The following NEDD4L variants were observed in gnomAD, a reference collection of about 807,000 sequenced individuals.
NEDD4L encodes E3 ubiquitin-protein ligase NEDD4-like.
In NEDD4L, 54 loss-of-function variants were observed where a neutral mutation model predicts 148.9. That is an observed-to-expected ratio of 0.36 (90% CI 0.29 to 0.45). NEDD4L has a LOEUF of 0.45. Ranked by LOEUF, NEDD4L falls within the 20% of genes least tolerant of loss-of-function variation. NEDD4L has a pLI of 1.00. For missense variants in NEDD4L, 856 were observed against 1,233.8 expected (o/e 0.69, Z 4.59); for synonymous variants, 433 against 440.7 (o/e 0.98, Z 0.22).
At chr18:58,064,181 G>A (rs934995793) in intron 1 of NEDD4L, among the ~76,000 whole-genome samples, 1 of 151,586 alleles carries the variant, frequency 6.6e-6, no homozygotes, top group Non-Finnish European at 1.5e-5. Context: ...AGCCAGGATG[G>A]TCTTGATCTC....
chr18:58,061,668 C>A (rs543020983), intron 1 of NEDD4L, among the ~76,000 whole-genome samples: 1 of 152,036 alleles, frequency 6.6e-6, no homozygotes, highest in Non-Finnish European at 1.5e-5. Flanking sequence ...GGAACATTTA[C>A]CATCTTTTGC....
Position 58,389,112 on chromosome 18 carries a change from G to A in NEDD4L, c.2575G>A (p.Asp859Asn). 6.2e-7 allele frequency: 1 copy of A among 1,613,994 alleles called. No individual in the cohort carries two copies. Among genetic ancestry groups the A allele is most frequent in the Non-Finnish European group, 8.5e-7 (1 of 1,179,870 alleles). The change falls in exon 28 of 31, where the codon GAT (aspartate) becomes AAT (asparagine). Residue 859 changes from aspartate (D) to asparagine (N), a missense_variant. This residue lies in a region of NEDD4L where 286 missense variants were observed against 531.8 expected (regional missense o/e 0.54). Transcript: ENST00000400345. ...ELLMCGLGDV[D>N]VNDWRQHSIY... ...GCTCATGTGCGGCCTCGGTGATGTG[G>A]ATGTGAATGACTGGAGACAGCATTC...
At chr18:58,355,079 C>T (rs2044419190) in intron 18 of NEDD4L, among the ~76,000 whole-genome samples, 3 of 152,104 alleles carry the variant, frequency 2.0e-5, no homozygotes, top group African/African-American at 7.2e-5. Flanking sequence ...TGGGGAGCTC[C>T]CAGGGGATTT....
chr18:58,170,086 C>G (rs80041016), intron 2 of NEDD4L, among the ~76,000 whole-genome samples: 4,423 of 152,232 alleles, frequency 0.029, 220 homozygotes, highest in African/African-American at 0.099. Flanking sequence ...ATGAAGTGAG[C>G]CCGTTCTTCC....
At chr18:58,312,651 C>G (rs2057831463) in intron 5 of NEDD4L, among the ~76,000 whole-genome samples, 1 of 151,946 alleles carries the variant, frequency 6.6e-6, no homozygotes, top group Non-Finnish European at 1.5e-5. Flanking sequence ...GTTAGATCTC[C>G]TCTGCAGGGT....
chr18:58,235,285 T>C (rs1568446314), intron 2 of NEDD4L, among the ~76,000 whole-genome samples: 1 of 152,188 alleles, frequency 6.6e-6, no homozygotes, highest in Non-Finnish European at 1.5e-5. Context: ...ACAGGTTTTA[T>C]TGTTGCTTAC....
chr18:58,391,355 C>T (rs754806255), intron 29 of NEDD4L, 132 bp from the exon 30 acceptor site: 2 of 708,650 alleles, frequency 2.8e-6, no homozygotes, highest in South Asian at 3.2e-5. Context: ...AATGTTGCAG[C>T]AGAAGAGAGT....
intron 19 of NEDD4L, among the ~76,000 whole-genome samples, chr18:58,361,455 T>TC (rs1386402794): frequency 2.0e-5 from 3 of 152,208 alleles, no homozygotes; most frequent in African/African-American, 7.2e-5. Context: ...CCAAGAACTT[T>TC]ATAATCAGCC....
At chr18:58,049,080 G>C (rs749178856) in intron 1 of NEDD4L, among the ~76,000 whole-genome samples, 3 of 152,186 alleles carry the variant, frequency 2.0e-5, no homozygotes, top group Non-Finnish European at 2.9e-5. Context: ...GTTGAAATAT[G>C]AGAAAAAGGA....
intron 1 of NEDD4L, among the ~76,000 whole-genome samples, chr18:58,078,390 A>C (rs2083277869): frequency 6.6e-6 from 1 of 152,212 alleles, no homozygotes; most frequent in South Asian, 2.1e-4. Context: ...GTAATGAATG[A>C]AAAGCAGGAT....
chr18:58,308,785 C>CACA (rs1301478695), intron 5 of NEDD4L, among the ~76,000 whole-genome samples: 1 of 152,232 alleles, frequency 6.6e-6, no homozygotes, highest in Non-Finnish European at 1.5e-5. Context: ...GTGTCTGCGT[C>CACA]AAGTCAGTAA....
chr18:58,077,795 C>G (rs1393145618), intron 1 of NEDD4L, among the ~76,000 whole-genome samples: 1 of 152,070 alleles, frequency 6.6e-6, no homozygotes, highest in African/African-American at 2.4e-5. Flanking sequence ...TTTTGGTTTT[C>G]TTGGAATCTT....
intron 30 of NEDD4L, among the ~76,000 whole-genome samples, chr18:58,395,380 T>C (rs1267336967): frequency 6.6e-6 from 1 of 152,178 alleles, no homozygotes; most frequent in African/African-American, 2.4e-5. Context: ...CCGGGCCCAC[T>C]GATCCGATCC....
At chr18:58,232,771 T>TTA (rs1167336033) in intron 2 of NEDD4L, among the ~76,000 whole-genome samples, 2 of 152,156 alleles carry the variant, frequency 1.3e-5, no homozygotes, top group Non-Finnish European at 2.9e-5. Flanking sequence ...TGTTTGCACA[T>TTA]TTAATAGACT....
intron 2 of NEDD4L, among the ~76,000 whole-genome samples, chr18:58,184,493 C>T (rs2039222502): frequency 6.6e-6 from 1 of 151,950 alleles, no homozygotes; most frequent in Non-Finnish European, 1.5e-5. Context: ...GGATTATTAT[C>T]CTACCTCCTA....
At chr18:58,290,737 T>A (rs79281602) in intron 5 of NEDD4L, among the ~76,000 whole-genome samples, 1 of 152,116 alleles carries the variant, frequency 6.6e-6, no homozygotes, top group Admixed American at 6.6e-5. Context: ...TTTTTTTTTT[T>A]AATGAAAAGA....
At chr18:58,394,397 C>A (rs150207494) in intron 30 of NEDD4L, among the ~76,000 whole-genome samples, 207 of 152,342 alleles carry the variant, frequency 1.4e-3, no homozygotes, top group African/African-American at 4.9e-3. Flanking sequence ...CCTGAATAAT[C>A]TGTGCACCTT....
chr18:58,185,735 T>C (rs568838481), intron 2 of NEDD4L, among the ~76,000 whole-genome samples: 5 of 152,140 alleles, frequency 3.3e-5, no homozygotes, highest in Non-Finnish European at 5.9e-5. Context: ...TAGCCGGGTG[T>C]GGTGGTGCAT....
chr18:58,295,159 T>C (rs1600824959), intron 5 of NEDD4L, among the ~76,000 whole-genome samples: 1 of 152,220 alleles, frequency 6.6e-6, no homozygotes, highest in Non-Finnish European at 1.5e-5. Flanking sequence ...TCTCTTGGTG[T>C]TGTACATGCT....
Sources: gnomAD v4.1 joint callset for allele counts (sites outside exome capture counted in the v4.1 genomes callset) on GRCh38, gnomAD v4.1.1 for gene constraint, gnomAD v4.1.1 regional missense constraint, MANE v1.5 for transcripts, NCBI Gene and HGNC (gene_info 2026-07-23, HGNC 2026-07-21) for gene names.